PRKCA: variants seen among roughly 807,000 people sequenced by gnomAD.
The protein encoded by PRKCA is protein kinase C alpha type.
PRKCA carries 27 observed loss-of-function variants against 87.0 expected under a neutral mutation model. The ratio of observed to expected loss-of-function variants is 0.31; its 90% CI spans 0.23 to 0.43. The LOEUF is 0.43. Among genes scored for constraint, PRKCA ranks in the 20% least tolerant of loss-of-function variants. The probability of loss-of-function intolerance (pLI) is 1.00; values close to 1 mark genes in which losing one functional copy is unlikely to be tolerated. For missense variants in PRKCA, 518 were observed against 852.3 expected, an observed-to-expected ratio of 0.61 and a Z score of 4.88; for synonymous variants, 329 against 311.1, an observed-to-expected ratio of 1.06 and a Z score of -0.61.
At chr17:66,633,581 G>A (rs1418322742) in intron 3 of PRKCA, among the ~76,000 whole-genome samples, 1 of 152,158 alleles carries the variant, frequency 6.6e-6, no homozygotes, top group East Asian at 1.9e-4. Flanking sequence ...CAGAGCTTCT[G>A]TTGGTTAAAA....
chr17:66,415,784 A>C (rs1315711643), intron 2 of PRKCA: 1 of 152,066 alleles, frequency 6.6e-6, no homozygotes, highest in East Asian at 1.9e-4. Context: ...CTGCTTCCTC[A>C]TCTGTGAAAT....
chr17:66,522,175 A>G (rs1201347758), intron 3 of PRKCA, among the ~76,000 whole-genome samples: 1 of 152,202 alleles, frequency 6.6e-6, no homozygotes, highest in African/African-American at 2.4e-5. Context: ...GATGTGGACC[A>G]GGAGCCCCGT....
At chr17:66,701,904 A>G (rs1000765358) in intron 8 of PRKCA, among the ~76,000 whole-genome samples, 8 of 152,256 alleles carry the variant, frequency 5.3e-5, no homozygotes, top group Admixed American at 3.9e-4. Context: ...GACAGTATGG[A>G]TGTCTCTTAA....
chr17:66,614,866 C>A (rs1348503913), intron 3 of PRKCA, among the ~76,000 whole-genome samples: 2 of 151,996 alleles, frequency 1.3e-5, no homozygotes, highest in African/African-American at 4.8e-5. Context: ...ATGGGCATAT[C>A]AGTTAAGAAT....
rs58132629 is a variant in PRKCA at position 66,803,772 on chromosome 17, G to GT, written c.1855-99dup. 0.056 allele frequency: 83,479 copies of GT among 1,497,728 alleles called. 4,851 individuals are homozygous for GT. The highest frequency in any genetic ancestry group is 0.34 in the East Asian group (14,760 of 43,452). 92.8% of individuals were successfully genotyped at this position (1,497,728 alleles called of 1,614,324 possible). On this transcript the variant is annotated intron_variant, in intron 16 of 16. Transcript: ENST00000413366. This position sits in a 1 kb window ranked among gnomAD's most constrained non-coding sequence, Gnocchi z 4.4. ...GATTCCTCCTCCTAACCAGCCCGGA[G>GT]TTCCCCAGGGCCGTGCCCCTCCCCA... is the stretch of plus-strand genomic sequence containing the variant.
chr17:66,668,013 C>G (rs954038124), intron 5 of PRKCA, among the ~76,000 whole-genome samples: 2 of 152,152 alleles, frequency 1.3e-5, no homozygotes, highest in Non-Finnish European at 2.9e-5. Context: ...CCCGTTAGCC[C>G]AGTGGTCAAG....
chr17:66,349,610 C>T (rs75843319), intron 2 of PRKCA, among the ~76,000 whole-genome samples: 13,978 of 152,156 alleles, frequency 0.092, 731 homozygotes, highest in African/African-American at 0.13. Flanking sequence ...TTTGCCCATG[C>T]GGTAGACTCT....
In PRKCA at chr17:66,786,887, T is replaced by G; in HGVS notation, c.1626T>G (p.Asp542Glu). 1.2e-6 allele frequency: 2 copies of G among 1,614,156 alleles called. No individual in the cohort carries two copies. The highest frequency in any genetic ancestry group is 2.2e-5 in the East Asian group (1 of 44,882). ...AACAGCCTCCATTTGATGGTGAAGA[T>G]GAAGACGAGCTATTTCAGTCTATCA... is the stretch of plus-strand genomic sequence containing the variant. ...LAGQPPFDGEDEDELFQSIME... is the reference protein window; with the variant it reads ...LAGQPPFDGEEEDELFQSIME... The change falls in exon 15 of 17, where the codon GAT (aspartate) becomes GAG (glutamate). Residue 542 changes from aspartate (D) to glutamate (E), a missense_variant. Transcript: ENST00000413366.
At chr17:66,434,356 A>G (rs1351442467) in intron 2 of PRKCA, among the ~76,000 whole-genome samples, 1 of 152,038 alleles carries the variant, frequency 6.6e-6, no homozygotes, top group Non-Finnish European at 1.5e-5. Context: ...TGAAGACATC[A>G]TGAGCCTCAC....
chr17:66,676,891 CTTTA>C (rs1972349092), intron 5 of PRKCA: 1 of 152,188 alleles, frequency 6.6e-6, no homozygotes. Flanking sequence ...CCCTTCCTTG[CTTTA>C]TAGCACAAGG....
At chr17:66,315,640 C>T (rs1001263337) in intron 2 of PRKCA, among the ~76,000 whole-genome samples, 2 of 152,030 alleles carry the variant, frequency 1.3e-5, no homozygotes, top group East Asian at 3.9e-4. Context: ...CCATGATGCC[C>T]GGCTAATTTT....
chr17:66,402,193 C>CA (rs1399606722), intron 2 of PRKCA, among the ~76,000 whole-genome samples: 8 of 152,100 alleles, frequency 5.3e-5, no homozygotes, highest in Non-Finnish European at 1.0e-4. Flanking sequence ...AAGATGGAGT[C>CA]ACTTGGCAGT....
At chr17:66,340,655 T>C (rs1480074985) in intron 2 of PRKCA, among the ~76,000 whole-genome samples, 1 of 152,120 alleles carries the variant, frequency 6.6e-6, no homozygotes, top group Non-Finnish European at 1.5e-5. Flanking sequence ...TTAAACTGCT[T>C]AATGTAGAGC....
intron 14 of PRKCA, among the ~76,000 whole-genome samples, chr17:66,779,675 G>A (rs1178520969): frequency 6.6e-6 from 1 of 151,776 alleles, no homozygotes; most frequent in African/African-American, 2.4e-5. Context: ...ATCCTTTTTT[G>A]CAAAATGTGA....
In PRKCA at chr17:66,423,795, C is replaced by T. The variant is rs533982438; in HGVS notation, c.206-72406C>T. 4.1e-5 allele frequency among the ~76,000 whole-genome samples: 6 copies of T among 147,104 alleles called. No homozygotes were observed. The South Asian group carries it at 1.1e-3, about 26-fold the overall frequency. ...TGGATAACTCTAATTAGTCTGGGAGCGCTTCCCTGGAGCCGAATGTGTTTA... is the reference window on the plus strand; with the variant it reads ...TGGATAACTCTAATTAGTCTGGGAGTGCTTCCCTGGAGCCGAATGTGTTTA... On this transcript the variant is annotated intron_variant, in intron 2 of 16. Transcript: ENST00000413366.
At chr17:66,443,516 C>G (rs1451574156) in intron 2 of PRKCA, among the ~76,000 whole-genome samples, 1 of 152,122 alleles carries the variant, frequency 6.6e-6, no homozygotes, top group Non-Finnish European at 1.5e-5. Context: ...AATAAATAAC[C>G]CACTCAGTGC....
In PRKCA at chr17:66,367,837, A is replaced by G. The variant is rs538966333; in HGVS notation, c.205+61710A>G. Among the ~76,000 whole-genome samples, 9 of 152,316 alleles carry G rather than the reference A, an allele frequency of 5.9e-5. No individual in the cohort carries two copies. In the South Asian group the frequency reaches 1.9e-3, roughly 32 times the overall value. Reference sequence around the variant, plus strand: ...CCAATTTATGAGACTATGCTCACAAACCTAAAGTGAACAGGTGAAAGACCC... The same window carrying G: ...CCAATTTATGAGACTATGCTCACAAGCCTAAAGTGAACAGGTGAAAGACCC... On this transcript the variant is annotated intron_variant, in intron 2 of 16. Coordinates refer to ENST00000413366, the MANE Select transcript of PRKCA (RefSeq NM_002737.3).
chr17:66,428,820 G>A (rs1417055888), intron 2 of PRKCA, among the ~76,000 whole-genome samples: 1 of 152,134 alleles, frequency 6.6e-6, no homozygotes, highest in Non-Finnish European at 1.5e-5. Context: ...TCTTGAAGGA[G>A]AAGGCTGCTA....
chr17:66,317,638 C>G (rs1319374478), intron 2 of PRKCA, among the ~76,000 whole-genome samples: 1 of 151,302 alleles, frequency 6.6e-6, no homozygotes, highest in African/African-American at 2.4e-5. Context: ...TTTTTTCCTT[C>G]TCTTAGGTTT....
Sources: allele counts gnomAD v4.1 joint callset (sites outside exome capture counted in the v4.1 genomes callset), GRCh38; gene constraint gnomAD v4.1.1; non-coding constraint Gnocchi (gnomAD v3.1); transcripts MANE v1.5; gene names NCBI Gene and HGNC (gene_info 2026-07-23, HGNC 2026-07-21).